The following MEIOB variants were observed in gnomAD, a reference collection of about 807,000 sequenced individuals.
The protein encoded by MEIOB is meiosis specific with OB-fold.
Under a neutral mutation model 53.1 loss-of-function variants are expected in MEIOB, and 50 were observed. The observed-to-expected ratio is 0.94, with a 90% confidence interval of 0.75 to 1.19. The LOEUF (loss-of-function observed/expected upper bound fraction) is 1.19. Ranked by LOEUF, MEIOB falls within the 50% of genes most tolerant of loss-of-function variation. MEIOB has a pLI of 0.00. For synonymous variants in MEIOB, 192 were observed against 182.5 expected (o/e 1.05, Z -0.42); for missense variants, 551 against 550.8 (o/e 1.00, Z 0.00).
At chr16:1,853,878 G>A (rs1271486187) in intron 7 of MEIOB, among the ~76,000 whole-genome samples, 3 of 152,148 alleles carry the variant, frequency 2.0e-5, no homozygotes, top group Non-Finnish European at 4.4e-5. Flanking sequence ...AACTGGGCAC[G>A]GTGGAGTCCC....
At chr16:1,870,121 A>C (rs2575335) in intron 1 of MEIOB, among the ~76,000 whole-genome samples, 125,427 of 151,964 alleles carry the variant, frequency 0.83, 51,871 homozygotes, top group Middle Eastern at 0.9. Flanking sequence ...ATCCACCCGC[A>C]TCAGCCTCCC....
At chr16:1,856,509 C>T (rs1596978181) in intron 6 of MEIOB, among the ~76,000 whole-genome samples, 2 of 152,038 alleles carry the variant, frequency 1.3e-5, no homozygotes, top group African/African-American at 2.4e-5. Context: ...TTAGTAGAGA[C>T]GGGGTTTCAC....
intron 3 of MEIOB, among the ~76,000 whole-genome samples, chr16:1,863,026 CAA>C (rs1468981171): frequency 2.6e-5 from 4 of 151,354 alleles, no homozygotes; most frequent in Non-Finnish European, 4.4e-5. Flanking sequence ...GCCTGGAGTT[CAA>C]AACCAGCCTG....
chr16:1,853,432 G>C lies in MEIOB; in HGVS notation c.630-161C>G, dbSNP rs1019838347. On this transcript the variant is annotated intron_variant, in intron 7 of 13. Transcript: ENST00000325962. ...TCTTAAGCATGCCAGCTTCCTCCTA[G>C]GGAGAATTTAACAACTCCATGAGAG... Among the ~76,000 whole-genome samples, 11 of 152,152 alleles carry C rather than the reference G, an allele frequency of 7.2e-5. No individual in the cohort carries two copies. In the East Asian group the frequency reaches 7.7e-4, roughly 11 times the overall value.
chr16:1,862,231 T>C, intron 3 of MEIOB, 115 bp from the exon 4 acceptor site: 1 of 766,822 alleles, frequency 1.3e-6, no homozygotes. Flanking sequence ...TGATTATTTG[T>C]TTAATCAAAT....
chr16:1,840,836 C>T (rs1898886683), intron 11 of MEIOB, among the ~76,000 whole-genome samples: 1 of 152,064 alleles, frequency 6.6e-6, no homozygotes, highest in African/African-American at 2.4e-5. Flanking sequence ...AGGCGTGAGC[C>T]ACCACGCCCA....
Position 1,838,189 on chromosome 16 carries a change from A to G in MEIOB, c.1219-319T>C. 8.4e-6 allele frequency: 4 copies of G among 474,966 alleles called. No homozygotes were observed. The East Asian group carries it at 1.3e-4, about 15-fold the overall frequency. The allele number at this position is 474,966 out of a possible 1,614,324, so 29.4% of individuals were successfully genotyped here. On this transcript the variant is annotated intron_variant, in intron 12 of 13. Transcript: ENST00000325962. ...TTTATGTTTTATGTTTTGTAGAGAC[A>G]GGGTCTCACTATGTTGCCCAGGGTG...
intron 13 of MEIOB, among the ~76,000 whole-genome samples, chr16:1,836,266 A>G (rs777033137): frequency 6.6e-6 from 1 of 152,212 alleles, no homozygotes; most frequent in African/African-American, 2.4e-5. Context: ...GCTTGTCCAT[A>G]ATTATGAATA....
intron 3 of MEIOB, 76 bp downstream of exon 3, chr16:1,865,702 T>C: frequency 9.5e-7 from 1 of 1,051,604 alleles, no homozygotes; most frequent in Admixed American, 2.6e-5. Flanking sequence ...GAAAAATTAA[T>C]CACTTCAATA....
rs7202283 is a variant in MEIOB at position 1,860,014 on chromosome 16, C to A, written c.332+389G>T. The stretch of plus-strand genomic sequence containing the variant: ...AGAGCTCACCCTCAACCAACCACTC[C>A]CACAAGAGTCCTCCTCTCAAGCTCT... On this transcript the variant is annotated intron_variant, in intron 5 of 13. Transcript: ENST00000325962. Among the ~76,000 whole-genome samples the A allele has an allele frequency of 7.4e-3, 1,132 of 152,258 alleles. 15 individuals carry two copies. Among genetic ancestry groups the A allele is most frequent in the African/African-American group, 0.026 (1,076 of 41,540 alleles).
chr16:1,844,835 T>C, intron 10 of MEIOB, 27 bp downstream of exon 10: 1 of 1,324,826 alleles, frequency 7.5e-7, no homozygotes, highest in Non-Finnish European at 1.1e-6. Context: ...TTTAAAAAAA[T>C]CCAAATATAT....
At chr16:1,853,985 C>T (rs2142089854) in intron 7 of MEIOB, 115 bp downstream of exon 7, 1 of 670,914 alleles carries the variant, frequency 1.5e-6, no homozygotes, top group East Asian at 2.8e-5. Flanking sequence ...AAATATCATT[C>T]ATCTCCTATC....
chr16:1,860,618 T>C (rs1397397193), intron 4 of MEIOB, 143 bp from the exon 5 acceptor site: 1 of 600,834 alleles, frequency 1.7e-6, no homozygotes, highest in Non-Finnish European at 2.9e-6. Flanking sequence ...TTCTCCATCA[T>C]CAACATATAA....
intron 11 of MEIOB, chr16:1,839,972 C>G (rs1273470718): frequency 2.6e-5 from 4 of 152,434 alleles, no homozygotes; most frequent in Non-Finnish European, 5.9e-5. Context: ...GGGTAGCACC[C>G]AGATGCTATT....
At chr16:1,868,255 G>A in intron 1 of MEIOB, 71 bp from the exon 2 acceptor site, 1 of 909,048 alleles carries the variant, frequency 1.1e-6, no homozygotes, top group Non-Finnish European at 1.7e-6. Flanking sequence ...AAAATTCCAA[G>A]AGTTTAAAAT....
chr16:1,871,285 T>C (rs1473325319), intron 1 of MEIOB, among the ~76,000 whole-genome samples: 2 of 147,598 alleles, frequency 1.4e-5, no homozygotes, highest in Non-Finnish European at 3.0e-5. Flanking sequence ...AGTGGCGCAA[T>C]CTCGGCTCAC....
At chr16:1,870,740 G>A (rs115271137) in intron 1 of MEIOB, among the ~76,000 whole-genome samples, 4 of 152,262 alleles carry the variant, frequency 2.6e-5, no homozygotes, top group Admixed American at 1.3e-4. Context: ...ATTAAGCTGT[G>A]TCAAGTTTTT....
chr16:1,851,145 G>A (rs911422603), intron 9 of MEIOB, among the ~76,000 whole-genome samples: 2 of 152,068 alleles, frequency 1.3e-5, no homozygotes, highest in East Asian at 3.9e-4. Flanking sequence ...ACCCCATCCA[G>A]AGCAGAAGCC....
chr16:1,845,086 T>C (rs1459728377), intron 9 of MEIOB, 123 bp from the exon 10 acceptor site: 2 of 561,928 alleles, frequency 3.6e-6, no homozygotes, highest in Non-Finnish European at 6.4e-6. Context: ...TCAAATAGAA[T>C]ATTACGTGGC....
Sources: gnomAD v4.1 joint callset for allele counts (sites outside exome capture counted in the v4.1 genomes callset) on GRCh38, gnomAD v4.1.1 for gene constraint, MANE v1.5 for transcripts, NCBI Gene and HGNC (gene_info 2026-07-23, HGNC 2026-07-21) for gene names.